PALS1: variants seen among roughly 807,000 people sequenced by gnomAD.
PALS1 encodes the protein protein PALS1.
In PALS1, 31 loss-of-function variants were observed where a neutral mutation model predicts 78.9. The ratio of observed to expected loss-of-function variants is 0.39; its 90% CI spans 0.30 to 0.53. PALS1 has a LOEUF of 0.53. PALS1 is among the 20% of genes least tolerant of loss of function. PALS1 has a pLI of 0.67. For synonymous variants in PALS1, 276 were observed against 270.9 expected, an observed-to-expected ratio of 1.02 and a Z score of -0.18; for missense variants, 704 against 826.5, an observed-to-expected ratio of 0.85 and a Z score of 1.82.
In PALS1 at chr14:67,302,558, T is replaced by C; in HGVS notation, c.950T>C (p.Val317Ala). 6.6e-7 allele frequency: 1 copy of C among 1,515,866 alleles called. No individual in the cohort carries two copies. The highest frequency in any genetic ancestry group is 8.8e-7 in the Non-Finnish European group (1 of 1,131,058). 93.9% of individuals were successfully genotyped at this position (1,515,866 alleles called of 1,614,324 possible). A position where few individuals can be genotyped will look rare whatever the true frequency, so the allele number is the denominator to read the frequency against. The change falls in exon 7 of 15, where the codon GTT (valine) becomes GCT (alanine). Residue 317 changes from valine to alanine, a missense_variant. Transcript: ENST00000261681. ...IEIRGKDVNE[V>A]FDLLSDMHGT... ...ATTCGGGGGAAAGATGTCAATGAGG[T>C]TTTTGACTTGTTGGTAAGTTGACGC... is the stretch of plus-strand genomic sequence containing the variant.
At position 67,242,627 on chromosome 14, in the gene PALS1, A is replaced by ATT. The variant is rs532923506; in HGVS notation, c.-237+1105_-237+1106dup. ...AAGCTTCCTTGAATTAAGAACTACG[A>ATT]TTTTTTTTTTTTACTAGATCCCTGT... On this transcript the variant is annotated intron_variant, in intron 1 of 14. Transcript: ENST00000261681. 2.4e-3 allele frequency among the ~76,000 whole-genome samples: 358 copies of ATT among 146,400 alleles called. 5 individuals carry two copies. The highest frequency in any genetic ancestry group is 8.4e-3 in the African/African-American group (336 of 40,086).
At chr14:67,300,484 C>G (rs1054522978) in intron 4 of PALS1, among the ~76,000 whole-genome samples, 1 of 152,092 alleles carries the variant, frequency 6.6e-6, no homozygotes, top group Non-Finnish European at 1.5e-5. Context: ...CACGCCACCA[C>G]GCCTGGCTAA....
At chr14:67,277,390 A>G (rs1222006375) in intron 2 of PALS1, among the ~76,000 whole-genome samples, 10 of 152,156 alleles carry the variant, frequency 6.6e-5, no homozygotes, top group African/African-American at 2.2e-4. Context: ...CTGATAGCCT[A>G]GTTGGGTTTG....
intron 1 of PALS1, among the ~76,000 whole-genome samples, chr14:67,258,641 T>C (rs1163252799): frequency 1.3e-5 from 2 of 152,142 alleles, no homozygotes; most frequent in Non-Finnish European, 1.5e-5. Context: ...AGGCCGGTCT[T>C]GAACTCCTGG....
At chr14:67,259,226 A>G (rs553622844) in intron 1 of PALS1, among the ~76,000 whole-genome samples, 4 of 152,222 alleles carry the variant, frequency 2.6e-5, no homozygotes, top group African/African-American at 9.6e-5. Context: ...CCCGATTTCT[A>G]TACATGTATA....
intron 2 of PALS1, among the ~76,000 whole-genome samples, chr14:67,274,995 T>C (rs144103036): frequency 0.029 from 4,398 of 152,348 alleles, 84 homozygotes; most frequent in Non-Finnish European, 0.036. Context: ...TTTGCTGAAG[T>C]TGCTTATCAG....
intron 11 of PALS1, among the ~76,000 whole-genome samples, chr14:67,319,695 G>A (rs903401913): frequency 1.3e-5 from 2 of 151,908 alleles, no homozygotes; most frequent in Admixed American, 6.6e-5. Context: ...ATTCAAAGCC[G>A]TCCTGGGCTG....
At chr14:67,296,228 G>A (rs912664543) in intron 4 of PALS1, among the ~76,000 whole-genome samples, 3 of 152,142 alleles carry the variant, frequency 2.0e-5, no homozygotes, top group South Asian at 2.1e-4. Context: ...CATGCTCAAA[G>A]GGTACAGAGG....
intron 11 of PALS1, among the ~76,000 whole-genome samples, chr14:67,319,916 T>C (rs539131717): frequency 1.3e-5 from 2 of 152,358 alleles, no homozygotes; most frequent in African/African-American, 4.8e-5. Context: ...ATATTACTCT[T>C]ACTAGTTCAT....
chr14:67,260,989 C>A (rs1848298157), intron 1 of PALS1, among the ~76,000 whole-genome samples: 2 of 152,256 alleles, frequency 1.3e-5, no homozygotes, highest in Admixed American at 6.5e-5. Flanking sequence ...TGGAGTCAAG[C>A]AGACTCCAGG....
chr14:67,296,465 G>T (rs542498644), intron 4 of PALS1, among the ~76,000 whole-genome samples: 36 of 151,510 alleles, frequency 2.4e-4, no homozygotes, highest in Admixed American at 2.0e-3. Flanking sequence ...GGCGGGTGTG[G>T]TGGTACTCAG....
Position 67,321,074 on chromosome 14 carries a change from C to T in PALS1, c.1555C>T (p.Arg519Ter), listed in dbSNP as rs1219650023. The T allele has an allele frequency of 1.2e-6, 2 of 1,614,016 alleles. No homozygotes were observed. The highest frequency in any genetic ancestry group is 1.7e-6 in the Non-Finnish European group (2 of 1,179,946). Residue 519 changes from arginine to a stop codon, truncating the protein, a stop_gained, in exon 13 of 15, where the codon CGA becomes TGA. Coordinates refer to ENST00000261681, the MANE Select transcript of PALS1 (RefSeq NM_022474.4). LOFTEE classifies it high-confidence loss of function. ...SAVPHTTRSR[R>*]DQEVAGRDYH... ...TTGCCTAGATACAACCCGGAGTAGG[C>T]GAGACCAAGAAGTAGCCGGTAGAGA...
At chr14:67,301,848 G>A (rs2084936232) in intron 5 of PALS1, 124 bp from the exon 6 acceptor site, 2 of 1,076,154 alleles carry the variant, frequency 1.9e-6, no homozygotes, top group African/African-American at 1.6e-5. Flanking sequence ...TTTATTATTA[G>A]CTCTAATTAA....
rs1225569632 is a variant in PALS1, at chr14:67,320,335, A to G, written c.1475A>G (p.Gln492Arg). 6.2e-7 allele frequency: 1 copy of G among 1,613,552 alleles called. No homozygotes were observed. The highest frequency in any genetic ancestry group is 1.7e-5 in the Admixed American group (1 of 59,912). The change falls in exon 12 of 15, where the codon CAG (glutamine) becomes CGG (arginine). Residue 492 changes from glutamine to arginine, a missense_variant. Coordinates refer to ENST00000261681, the MANE Select transcript of PALS1 (RefSeq NM_022474.4). ...IILIGPQNCG[Q>R]NELRQRLMNK... ...TTGATTGGTCCACAGAACTGTGGCC[A>G]GAATGAATTGCGTCAGAGGCTCATG...
intron 14 of PALS1, among the ~76,000 whole-genome samples, chr14:67,328,286 A>G (rs1294899405): frequency 1.3e-5 from 2 of 152,202 alleles, no homozygotes; most frequent in African/African-American, 4.8e-5. Context: ...TCTTCTTTTG[A>G]GAAGTGTCTG....
chr14:67,275,446 A>C (rs1472817584), intron 2 of PALS1, among the ~76,000 whole-genome samples: 1 of 152,216 alleles, frequency 6.6e-6, no homozygotes, highest in African/African-American at 2.4e-5. Flanking sequence ...ATGTTGAACC[A>C]GCCTTGCATC....
Position 67,302,052 on chromosome 14 carries a change from T to TCC in PALS1, c.735_736insCC (p.Ile246ProfsTer10), listed in dbSNP as rs1472248914. 4 of 1,609,576 alleles carry TCC rather than the reference T, an allele frequency of 2.5e-6. No individual in the cohort carries two copies. Among genetic ancestry groups the TCC allele is most frequent in the Non-Finnish European group, 1.7e-6 (2 of 1,177,970 alleles). On this transcript the variant is annotated frameshift_variant, in exon 6 of 15. Coordinates refer to ENST00000261681, the MANE Select transcript of PALS1 (RefSeq NM_022474.4). LOFTEE classifies it high-confidence loss of function. ...TTACAGATGAGAGAGTTTATGAAAG[T>TCC]ATTGGCCAGTATGGAGGAGAAACTG...
At chr14:67,288,952 T>A (rs956686412) in intron 3 of PALS1, among the ~76,000 whole-genome samples, 13 of 144,300 alleles carry the variant, frequency 9.0e-5, no homozygotes, top group Non-Finnish European at 1.8e-4. Context: ...AAAGTTTTAT[T>A]TTCTTTATTT....
At chr14:67,279,678 G>T (rs1781039880) in intron 3 of PALS1, 141 bp downstream of exon 3, 1 of 773,474 alleles carries the variant, frequency 1.3e-6, no homozygotes, top group East Asian at 2.9e-5. Flanking sequence ...TGTTTTCGTG[G>T]AAACGCCGTA....
Sources: gnomAD v4.1 joint callset for allele counts (sites outside exome capture counted in the v4.1 genomes callset) on GRCh38, gnomAD v4.1.1 for gene constraint, MANE v1.5 for transcripts, NCBI Gene and HGNC (gene_info 2026-07-23, HGNC 2026-07-21) for gene names.